The following ETF1 variants were observed in gnomAD, a reference collection of about 807,000 sequenced individuals.
The protein encoded by ETF1 is eukaryotic translation termination factor 1, also known as eukaryotic peptide chain release factor subunit 1.
Under a neutral mutation model 55.1 loss-of-function variants are expected in ETF1, and 4 were observed. That is an observed-to-expected ratio of 0.07 (90% confidence interval 0.04 to 0.17). The LOEUF (loss-of-function observed/expected upper bound fraction) is 0.17. Ranked by LOEUF, ETF1 falls within the 10% of genes least tolerant of loss-of-function variation. The pLI is 1.00. For synonymous variants in ETF1, 157 were observed against 182.3 expected, an observed-to-expected ratio of 0.86 and a Z score of 1.12; for missense variants, 142 against 523.6, an observed-to-expected ratio of 0.27 and a Z score of 7.11.
chr5:138,510,507 C>A, intron 9 of ETF1, 58 bp downstream of exon 9: 1 of 1,348,252 alleles, frequency 7.4e-7, no homozygotes. Context: ...ACAGCCAGTA[C>A]TCTAACACAC....
chr5:138,530,448 T>C (rs1317924848), intron 2 of ETF1, among the ~76,000 whole-genome samples: 1 of 151,898 alleles, frequency 6.6e-6, no homozygotes, highest in Admixed American at 6.6e-5. Context: ...CAGCTAATTG[T>C]TGTATTTTTA....
intron 5 of ETF1, 141 bp from the exon 6 acceptor site, chr5:138,513,095 A>G: frequency 7.2e-7 from 1 of 1,384,458 alleles, no homozygotes; most frequent in Non-Finnish European, 9.3e-7. Context: ...CGTTCAGCAT[A>G]AACTGCTACT....
At chr5:138,540,955 T>C (rs1470618214) in intron 2 of ETF1, among the ~76,000 whole-genome samples, 7 of 152,232 alleles carry the variant, frequency 4.6e-5, no homozygotes, top group Admixed American at 4.6e-4. Context: ...TCTTCAATGT[T>C]ACTTCATTCA....
rs758273322 is a variant in ETF1, at chr5:138,542,914, G to A, written c.5C>T (p.Ala2Val). M[A>V]DDPSAADRNV... The stretch of plus-strand genomic sequence containing the variant: ...CCTGTCGGCAGCACTGGGGTCGTCC[G>A]CCATCTTCTCGCCTCCTCCTCCCTA... Residue 2 changes from alanine to valine, a missense_variant, in exon 2 of 11, where the codon GCG (alanine) becomes GTG (valine). This residue lies in a region of ETF1 where 13 missense variants were observed against 16.9 expected (regional missense o/e 0.77). Coordinates refer to ENST00000360541, the MANE Select transcript of ETF1 (RefSeq NM_004730.4). The A allele has an allele frequency of 6.2e-7, 1 of 1,613,574 alleles. No individual in the cohort carries two copies.
intron 8 of ETF1, 112 bp from the exon 9 acceptor site, chr5:138,510,741 C>G (rs1764743435): frequency 7.1e-7 from 1 of 1,411,026 alleles, no homozygotes; most frequent in Admixed American, 2.4e-5. Context: ...AATCTCTCAA[C>G]ATTTTTTCCA....
intron 8 of ETF1, 124 bp downstream of exon 8, chr5:138,510,921 G>A: frequency 1.3e-6 from 2 of 1,492,764 alleles, no homozygotes; most frequent in East Asian, 4.7e-5. Context: ...CAGACTGAAG[G>A]ACTGGGGAAC....
In ETF1 at chr5:138,543,085, C is replaced by T; in HGVS notation, c.-19+12G>A. ...CACAAAGGTCACCGGCCTTTCCCTCCCTGTGCCTTACCTAAGGGCCCAGTC... is the reference window on the plus strand; with the variant it reads ...CACAAAGGTCACCGGCCTTTCCCTCTCTGTGCCTTACCTAAGGGCCCAGTC... On this transcript the variant is annotated intron_variant, in intron 1 of 10. Transcript: ENST00000360541. 1.4e-6 allele frequency: 1 copy of T among 694,722 alleles called. No individual in the cohort carries two copies. Among genetic ancestry groups the T allele is most frequent in the Non-Finnish European group, 2.4e-6 (1 of 418,576 alleles). 43.0% of individuals were successfully genotyped at this position (694,722 alleles called of 1,614,324 possible). A position where few individuals can be genotyped will look rare whatever the true frequency, so the allele number is the denominator to read the frequency against.
chr5:138,522,335 G>A (rs907956042), intron 2 of ETF1, among the ~76,000 whole-genome samples: 6 of 152,080 alleles, frequency 3.9e-5, no homozygotes, highest in South Asian at 2.1e-4. Context: ...TGGGCAAAGG[G>A]TGTGAGGAGA....
At chr5:138,541,656 A>C in intron 2 of ETF1, 1 of 1,509,368 alleles carries the variant, frequency 6.6e-7, no homozygotes, top group South Asian at 1.2e-5. Context: ...CCAGAATGTC[A>C]AATTCTTGTG....
rs1333361469 is a variant in ETF1 at position 138,506,879 on chromosome 5, T to C, written c.*1426A>G. 1.3e-5 allele frequency: 2 copies of C among 152,626 alleles called. No homozygotes were observed. The highest frequency in any genetic ancestry group is 2.4e-5 in the African/African-American group (1 of 41,440). The allele number at this position is 152,626 out of a possible 1,614,324, so 9.5% of individuals were successfully genotyped here. A position where few individuals can be genotyped will look rare whatever the true frequency, so the allele number is the denominator to read the frequency against. ...CACTAAAGTGTTAAAAGTACCCAAT[T>C]TGAAAACCAAATGCACCCCACTACC... On this transcript the variant is annotated 3_prime_UTR_variant, in exon 11 of 11. Transcript: ENST00000360541.
At chr5:138,525,319 G>A (rs1267425490) in intron 2 of ETF1, among the ~76,000 whole-genome samples, 5 of 151,838 alleles carry the variant, frequency 3.3e-5, no homozygotes, top group Admixed American at 2.0e-4. Context: ...CACCACGCCT[G>A]GCTAATTTTT....
At chr5:138,524,186 G>A (rs1329863809) in intron 2 of ETF1, among the ~76,000 whole-genome samples, 1 of 143,854 alleles carries the variant, frequency 7.0e-6, no homozygotes, top group Non-Finnish European at 1.5e-5. Flanking sequence ...GTGAGACTCT[G>A]TCTCAAAAAA....
At chr5:138,519,209 C>T (rs887240377) in intron 2 of ETF1, 9 of 984,640 alleles carry the variant, frequency 9.1e-6, no homozygotes, top group African/African-American at 1.7e-5. Flanking sequence ...TGAATCTGTC[C>T]GTGGGAGAGC....
intron 2 of ETF1, among the ~76,000 whole-genome samples, chr5:138,535,659 T>G (rs1350267348): frequency 6.8e-6 from 1 of 146,658 alleles, no homozygotes; most frequent in African/African-American, 2.5e-5. Flanking sequence ...AGGTGGAGGT[T>G]GCAGTGAGCT....
chr5:138,541,817 A>G (rs1766189788), intron 2 of ETF1: 1 of 458,208 alleles, frequency 2.2e-6, no homozygotes, highest in South Asian at 3.9e-5. Context: ...TGGGAAAGGA[A>G]CAAAATAAAG....
chr5:138,521,757 C>T lies in ETF1; in HGVS notation c.87-2890G>A, dbSNP rs185444907. On this transcript the variant is annotated intron_variant, in intron 2 of 10. Transcript: ENST00000360541. ...GTTGGCCAGGCTGGTCTCGAACTCCCGGCCTCAGGTGATCCCCCTGCCTCA... is the reference window on the plus strand; with the variant it reads ...GTTGGCCAGGCTGGTCTCGAACTCCTGGCCTCAGGTGATCCCCCTGCCTCA... Among the ~76,000 whole-genome samples, 137 of 152,086 alleles carry T rather than the reference C, an allele frequency of 9.0e-4. 1 individual carries two copies. The highest frequency in any genetic ancestry group is 3.1e-3 in the African/African-American group (128 of 41,486).
chr5:138,541,386 T>G (rs1766165669), intron 2 of ETF1: 2 of 633,150 alleles, frequency 3.2e-6, no homozygotes, highest in Non-Finnish European at 2.8e-6. Flanking sequence ...CGATTCATAT[T>G]AAACTAACGT....
chr5:138,536,068 C>T (rs1765917148), intron 2 of ETF1, among the ~76,000 whole-genome samples: 1 of 152,100 alleles, frequency 6.6e-6, no homozygotes, highest in Admixed American at 6.6e-5. Flanking sequence ...GCCCAACTCA[C>T]AGCAGATGTT....
rs58936942 is a variant in ETF1, at chr5:138,512,258, ATTTTTTTTTTT to A, written c.732+495_732+505del. Among the ~76,000 whole-genome samples, 108 of 19,984 alleles carry A rather than the reference ATTTTTTTTTTT, an allele frequency of 5.4e-3. 11 individuals are homozygous for A. In the East Asian group the frequency reaches 0.078, roughly 14 times the overall value. The allele number at this position is 19,984 out of a possible 152,430, so 13.1% of individuals were successfully genotyped here. A position where few individuals can be genotyped will look rare whatever the true frequency, so the allele number is the denominator to read the frequency against. On this transcript the variant is annotated intron_variant, in intron 6 of 10. Transcript: ENST00000360541. ...TATATATATATATATATATATATAT[ATTTTTTTTTTT>A]TTTTAAAGGCAATTTCTTTGGTGGA...
Sources: allele counts gnomAD v4.1 joint callset (sites outside exome capture counted in the v4.1 genomes callset), GRCh38; gene constraint gnomAD v4.1.1; regional missense constraint gnomAD v4.1.1; transcripts MANE v1.5; gene names NCBI Gene and HGNC (gene_info 2026-07-23, HGNC 2026-07-21).